The following NFIB variants were observed in gnomAD, a reference collection of about 807,000 sequenced individuals.
NFIB encodes nuclear factor 1 B-type.
A neutral mutation model predicts 61.5 loss-of-function variants in NFIB; 11 were observed. The ratio of observed to expected loss-of-function variants is 0.18; its 90% confidence interval spans 0.11 to 0.30. The LOEUF is 0.30. Among genes scored for constraint, NFIB ranks in the 10% least tolerant of loss-of-function variants. The pLI is 1.00. For missense variants in NFIB, 471 were observed against 608.9 expected (o/e 0.77, Z 2.38); for synonymous variants, 260 against 216.5 (o/e 1.20, Z -1.76).
At chr9:14,253,950 C>G (rs896901805) in intron 2 of NFIB, among the ~76,000 whole-genome samples, 1 of 152,116 alleles carries the variant, frequency 6.6e-6, no homozygotes, top group African/African-American at 2.4e-5. Context: ...TGCTGTTCCC[C>G]TGGTCTAAAT....
At chr9:14,179,590 A>G in intron 3 of NFIB, 137 bp downstream of exon 3, 2 of 780,392 alleles carry the variant, frequency 2.6e-6, no homozygotes, top group Non-Finnish European at 4.0e-6. Flanking sequence ...GCCTAAGCAC[A>G]ATCACATCTT....
intron 2 of NFIB, among the ~76,000 whole-genome samples, chr9:14,248,895 AAG>A (rs754638998): frequency 6.6e-5 from 10 of 152,222 alleles, no homozygotes; most frequent in Non-Finnish European, 1.3e-4. Flanking sequence ...TAAGGGAACA[AAG>A]AGAATGGCAT....
chr9:14,463,202 A>C, the NFIB span, among the ~76,000 whole-genome samples: 1 of 151,562 alleles, frequency 6.6e-6, no homozygotes, highest in African/African-American at 2.4e-5. Context: ...AAATAAGCTT[A>C]ATTTAAATAA....
In NFIB at chr9:14,323,371, AT is replaced by A. The variant is rs567838966; in HGVS notation, c.109-15852del. On this transcript the variant is annotated intron_variant, in intron 1 of 8. Coordinates refer to the NFIB transcript ENST00000380934. ...TTTGGAAACAAATATATGTAGGGGG[AT>A]TTTTTTTTTCTTAGTTTTTGAGTAA... Among the ~76,000 whole-genome samples the A allele has an allele frequency of 6.2e-4, 93 of 150,746 alleles. 1 individual carries two copies. The highest frequency in any genetic ancestry group is 1.2e-3 in the African/African-American group (48 of 40,992).
intron 2 of NFIB, among the ~76,000 whole-genome samples, chr9:14,296,982 T>C (rs2059482977): frequency 6.6e-6 from 1 of 152,196 alleles, no homozygotes; most frequent in Non-Finnish European, 1.5e-5. Flanking sequence ...TTCTTCTAAC[T>C]TCACTTCTTC....
chr9:14,312,487 T>G (rs2060326738), intron 1 of NFIB, among the ~76,000 whole-genome samples: 1 of 152,178 alleles, frequency 6.6e-6, no homozygotes, highest in Admixed American at 6.5e-5. Flanking sequence ...AAATACTGCC[T>G]CAAATAACAG....
the NFIB span, among the ~76,000 whole-genome samples, chr9:14,521,435 T>C: frequency 1.3e-5 from 2 of 152,168 alleles, no homozygotes; most frequent in South Asian, 4.2e-4. Flanking sequence ...CACTGCCCAT[T>C]ATCAGCCGAG....
intron 8 of NFIB, among the ~76,000 whole-genome samples, chr9:14,117,678 G>A (rs902021666): frequency 2.0e-5 from 3 of 152,106 alleles, no homozygotes; most frequent in Admixed American, 2.0e-4. Flanking sequence ...TGGACTTCCT[G>A]AATATCCTGA....
chr9:14,522,310 A>C, the NFIB span, among the ~76,000 whole-genome samples: 1 of 136,246 alleles, frequency 7.3e-6, no homozygotes, highest in Non-Finnish European at 1.7e-5. Flanking sequence ...AAACTAATTG[A>C]TTGAACATTC....
chr9:14,469,871 G>T, the NFIB span, among the ~76,000 whole-genome samples: 1 of 152,186 alleles, frequency 6.6e-6, no homozygotes, highest in Non-Finnish European at 1.5e-5. Flanking sequence ...ATTACACTGT[G>T]TCTAGGTGAC....
chr9:14,507,126 A>G, the NFIB span, among the ~76,000 whole-genome samples: 1 of 152,240 alleles, frequency 6.6e-6, no homozygotes, highest in South Asian at 2.1e-4. Flanking sequence ...GAAATACCGC[A>G]TAACTAATCC....
the NFIB span, among the ~76,000 whole-genome samples, chr9:14,438,698 C>A: frequency 4.1e-4 from 63 of 152,258 alleles, no homozygotes; most frequent in South Asian, 0.012. Context: ...CTGGAATACA[C>A]GGGCTTAACC....
At chr9:14,124,854 A>T (rs146547505) in intron 7 of NFIB, among the ~76,000 whole-genome samples, 1 of 152,322 alleles carries the variant, frequency 6.6e-6, no homozygotes, top group Non-Finnish European at 1.5e-5. Context: ...ATATAAAACA[A>T]GTGTCAAAAA....
At chr9:14,522,577 C>A in the NFIB span, among the ~76,000 whole-genome samples, 4 of 152,056 alleles carry the variant, frequency 2.6e-5, no homozygotes, top group Non-Finnish European at 4.4e-5. Context: ...AGAAGGTGAA[C>A]GAAGTTTGCG....
chr9:14,422,869 TG>T, the NFIB span, among the ~76,000 whole-genome samples: 1 of 152,184 alleles, frequency 6.6e-6, no homozygotes, highest in African/African-American at 2.4e-5. Context: ...AGGAGGATGC[TG>T]GGCATGTAAA....
At chr9:14,283,408 T>G (rs2058507048) in intron 2 of NFIB, among the ~76,000 whole-genome samples, 1 of 152,228 alleles carries the variant, frequency 6.6e-6, no homozygotes, top group Admixed American at 6.5e-5. Flanking sequence ...TGTATCCACT[T>G]TATCTTGGGG....
chr9:14,241,179 G>A (rs1346326410), intron 2 of NFIB, among the ~76,000 whole-genome samples: 1 of 152,170 alleles, frequency 6.6e-6, no homozygotes, highest in Non-Finnish European at 1.5e-5. Context: ...CAGGTCTTTT[G>A]AATAATTCCA....
At chr9:14,526,789 G>T in the NFIB span, among the ~76,000 whole-genome samples, 1 of 152,230 alleles carries the variant, frequency 6.6e-6, no homozygotes, top group African/African-American at 2.4e-5. Context: ...TTGTTGACTA[G>T]TCTCTAAACT....
chr9:14,236,551 CA>C (rs1412027176), intron 2 of NFIB, among the ~76,000 whole-genome samples: 1 of 152,178 alleles, frequency 6.6e-6, no homozygotes, highest in Non-Finnish European at 1.5e-5. Flanking sequence ...CACTTAAGAT[CA>C]CACTCATCCG....
Sources: gnomAD v4.1 joint callset for allele counts (sites outside exome capture counted in the v4.1 genomes callset) on GRCh38, gnomAD v4.1.1 for gene constraint, MANE v1.5 for transcripts, NCBI Gene and HGNC (gene_info 2026-07-23, HGNC 2026-07-21) for gene names.